Variants in BRD8 observed in about 807,000 individuals in gnomAD.
The protein encoded by BRD8 is bromodomain-containing protein 8.
Under a neutral mutation model 143.1 loss-of-function variants are expected in BRD8, and 67 were observed. The observed-to-expected ratio is 0.47, with a 90% confidence interval of 0.38 to 0.57. BRD8 has a LOEUF of 0.57. Among genes scored for constraint, BRD8 ranks in the 20% least tolerant of loss-of-function variants. The probability of loss-of-function intolerance (pLI) is 0.00; values close to 1 mark genes in which losing one functional copy is unlikely to be tolerated. For synonymous variants in BRD8, 505 were observed against 517.1 expected, an observed-to-expected ratio of 0.98 and a Z score of 0.32; for missense variants, 1,103 against 1,503.0, an observed-to-expected ratio of 0.73 and a Z score of 4.40.
At position 138,152,666 on chromosome 5, in the gene BRD8, T is replaced by C. The variant is rs972171028; in HGVS notation, c.2672A>G (p.Asp891Gly). 6.2e-7 allele frequency: 1 copy of C among 1,614,102 alleles called. No individual in the cohort carries two copies. The highest frequency in any genetic ancestry group is 8.5e-7 in the Non-Finnish European group (1 of 1,180,020). The change falls in exon 21 of 27, where the codon GAC (aspartate) becomes GGC (glycine). Residue 891 changes from aspartate (D) to glycine (G), a missense_variant. Physicochemically the swap from Asp to Gly is moderately conservative, Grantham distance 94. Around this residue, in one of 7 missense-constraint regions of BRD8, gnomAD observed 369 missense variants for 445.5 expected, o/e 0.83. Transcript: ENST00000254900. ...GCCCACATCAAGATCCAGACTGGAG[T>C]CCCATGAGCTGAAGAGGGACCTGCA... ...NDCRSLFSSWDSSLDLDVGNW... is the reference protein window; with the variant it reads ...NDCRSLFSSWGSSLDLDVGNW...
At chr5:138,153,820 G>A (rs914873313) in intron 20 of BRD8, among the ~76,000 whole-genome samples, 2 of 151,806 alleles carry the variant, frequency 1.3e-5, no homozygotes, top group Admixed American at 6.6e-5. Flanking sequence ...GAGATTACAG[G>A]TGCCCACCAC....
rs1752094723 is a variant in BRD8, at chr5:138,145,085, T to C, written c.3437+92A>G. On this transcript the variant is annotated intron_variant, in intron 25 of 26. Transcript: ENST00000254900. ...GGCTATGAAACATATCTTGAGTTTG[T>C]AAGTTATAAAAATAATCTAACAGAT... 17 of 1,307,880 alleles carry C rather than the reference T, an allele frequency of 1.3e-5. No individual in the cohort carries two copies. In the South Asian group the frequency reaches 2.1e-4, roughly 16 times the overall value. 81.0% of individuals were successfully genotyped at this position (1,307,880 alleles called of 1,614,324 possible).
intron 21 of BRD8, 22 bp downstream of exon 21, chr5:138,152,460 G>A: frequency 6.2e-7 from 1 of 1,610,412 alleles, no homozygotes; most frequent in South Asian, 1.1e-5. Context: ...TTCCAGCTTT[G>A]GAAATAAGAG....
At chr5:138,173,846 C>T (rs147598764) in intron 2 of BRD8, among the ~76,000 whole-genome samples, 1,957 of 152,270 alleles carry the variant, frequency 0.013, 17 homozygotes, top group Non-Finnish European at 0.018. Context: ...CCAGACCTGG[C>T]TAGTATTTTT....
intron 2 of BRD8, chr5:138,172,673 A>C: frequency 3.0e-6 from 1 of 335,678 alleles, no homozygotes; most frequent in East Asian, 9.2e-5. Context: ...TACAAAAAAA[A>C]AAAAAAAAAA....
Position 138,144,919 on chromosome 5 carries a change from ATAT to A in BRD8, c.3437+255_3437+257del, listed in dbSNP as rs375052851. Among the ~76,000 whole-genome samples the A allele has an allele frequency of 1.8e-3, 184 of 100,350 alleles. 5 individuals carry two copies. The highest frequency in any genetic ancestry group is 8.0e-3 in the East Asian group (29 of 3,636). The allele number at this position is 100,350 out of a possible 152,430, so 65.8% of individuals were successfully genotyped here. Reference sequence around the variant, plus strand: ...CTGTCAAAAAAAAAAAAAAAAAAAAATATATATATATATAGAATGGATCATATT... The same window carrying A: ...CTGTCAAAAAAAAAAAAAAAAAAAAAATATATATATAGAATGGATCATATT... On this transcript the variant is annotated intron_variant, in intron 25 of 26. Coordinates refer to ENST00000254900, the MANE Select transcript of BRD8 (RefSeq NM_139199.2).
intron 20 of BRD8, among the ~76,000 whole-genome samples, chr5:138,153,673 C>CTTTTTTTTT (rs67848204): frequency 2.0e-4 from 22 of 107,320 alleles, no homozygotes; most frequent in Non-Finnish European, 3.2e-4. Context: ...CTTTTCTTTT[C>CTTTTTTTTT]TTTTTTTTTT....
intron 2 of BRD8, among the ~76,000 whole-genome samples, chr5:138,173,964 A>T (rs1754097937): frequency 6.6e-6 from 1 of 152,152 alleles, no homozygotes; most frequent in African/African-American, 2.4e-5. Flanking sequence ...GATGTGAGCC[A>T]TTGCACCCAG....
intron 20 of BRD8, among the ~76,000 whole-genome samples, chr5:138,154,972 G>A (rs900440880): frequency 2.6e-5 from 4 of 151,730 alleles, no homozygotes; most frequent in African/African-American, 7.3e-5. Flanking sequence ...TGGGATTACA[G>A]GCGCCCACCA....
Position 138,171,368 on chromosome 5 carries a change from T to C in BRD8, c.229A>G (p.Thr77Ala). 1 of 1,607,964 alleles carries C rather than the reference T, an allele frequency of 6.2e-7. No homozygotes were observed. Among genetic ancestry groups the C allele is most frequent in the Middle Eastern group, 1.7e-4 (1 of 6,054 alleles). The stretch of plus-strand genomic sequence containing the variant: ...ACCTGGCTTTGTACTCACTTTGGTG[T>C]CTCAGTGGTCTCTAAAAGCTCCGAG... ...QYSELLETTE[T>A]PKRKRGEKGE... Residue 77 changes from threonine to alanine, a missense_variant, in exon 4 of 27, where the codon ACA becomes GCA. Physicochemically the swap from Thr to Ala is moderately conservative, Grantham distance 58. Around this residue, in one of 7 missense-constraint regions of BRD8, gnomAD observed 69 missense variants for 121.6 expected, o/e 0.57. Transcript: ENST00000254900.
chr5:138,161,083 CA>C lies in BRD8; in HGVS notation c.2250-16del, dbSNP rs1561607728. The C allele has an allele frequency of 5.0e-6, 8 of 1,600,066 alleles. No individual in the cohort carries two copies. Among genetic ancestry groups the C allele is most frequent in the Middle Eastern group, 1.7e-4 (1 of 5,728 alleles). On this transcript the variant is annotated splice_polypyrimidine_tract_variant and intron_variant, in intron 17 of 26. Transcript: ENST00000254900. ...AATCCATAGGCCTAAAAAAAAAGAACAGGGGTAAGTAGCAGTGGGGATGGAA... is the reference window on the plus strand; with the variant it reads ...AATCCATAGGCCTAAAAAAAAAGAACGGGGTAAGTAGCAGTGGGGATGGAA...
intron 25 of BRD8, among the ~76,000 whole-genome samples, chr5:138,142,632 G>A (rs1460511362): frequency 2.6e-5 from 4 of 151,776 alleles, no homozygotes; most frequent in African/African-American, 7.3e-5. Flanking sequence ...GCGTGGTGAC[G>A]TGTGCCTGTG....
chr5:138,167,785 G>C, intron 9 of BRD8, 149 bp downstream of exon 9: 2 of 671,452 alleles, frequency 3.0e-6, no homozygotes, highest in Non-Finnish European at 5.4e-6. Flanking sequence ...AGACTACATT[G>C]TTTACCAGGT....
chr5:138,147,972 T>TAA (rs576893780), intron 23 of BRD8, among the ~76,000 whole-genome samples: 1 of 149,758 alleles, frequency 6.7e-6, no homozygotes, highest in Non-Finnish European at 1.5e-5. Context: ...GGTTTCCTGT[T>TAA]AAAAAAAAAC....
intron 21 of BRD8, among the ~76,000 whole-genome samples, chr5:138,152,174 G>A (rs1197657512): frequency 1.3e-5 from 2 of 151,586 alleles, no homozygotes; most frequent in Admixed American, 1.3e-4. Context: ...ATTTTTAGTA[G>A]AGATGGGGTT....
At chr5:138,176,816 C>T (rs1443466697) in intron 2 of BRD8, among the ~76,000 whole-genome samples, 1 of 151,840 alleles carries the variant, frequency 6.6e-6, no homozygotes. Context: ...AAAAGAAATA[C>T]AGCTGGCCTG....
chr5:138,155,431 G>A lies in BRD8; in HGVS notation c.2578-2671C>T, dbSNP rs186090532. 2.9e-3 allele frequency among the ~76,000 whole-genome samples: 431 copies of A among 148,004 alleles called. 1 individual carries two copies. Among genetic ancestry groups the A allele is most frequent in the African/African-American group, 0.01 (416 of 40,206 alleles). On this transcript the variant is annotated intron_variant, in intron 20 of 26. Transcript: ENST00000254900. ...GCCATTGCACTCCAGCCTGGGCAAC[G>A]AGAGTGAAACTCCGAATTTAAAAAA...
intron 20 of BRD8, among the ~76,000 whole-genome samples, chr5:138,154,416 G>GT (rs1374978090): frequency 3.9e-5 from 6 of 152,158 alleles, no homozygotes; most frequent in Admixed American, 6.5e-5. Flanking sequence ...AACTCAAAAC[G>GT]TATGTCCTTT....
At position 138,163,972 on chromosome 5, in the gene BRD8, CAT is replaced by C. The variant is rs1753204331; in HGVS notation, c.1872+113_1872+114del. 5 of 1,273,816 alleles carry C rather than the reference CAT, an allele frequency of 3.9e-6. No homozygotes were observed. The East Asian group carries it at 1.2e-4, about 29-fold the overall frequency. 78.9% of individuals were successfully genotyped at this position (1,273,816 alleles called of 1,614,324 possible). On this transcript the variant is annotated intron_variant, in intron 14 of 26. Transcript: ENST00000254900. ...ACTGCAGCTTTTCCCCATGCAACTCCATACCAGTCTCTTATCAGAGAATAAAG... is the reference window on the plus strand; with the variant it reads ...ACTGCAGCTTTTCCCCATGCAACTCCACCAGTCTCTTATCAGAGAATAAAG...
Sources: allele counts gnomAD v4.1 joint callset (sites outside exome capture counted in the v4.1 genomes callset), GRCh38; gene constraint gnomAD v4.1.1; regional missense constraint gnomAD v4.1.1; transcripts MANE v1.5; gene names NCBI Gene and HGNC (gene_info 2026-07-23, HGNC 2026-07-21).